The following EPS15 variants were observed in gnomAD, a reference collection of about 807,000 sequenced individuals.
EPS15 encodes the protein epidermal growth factor receptor substrate 15.
In EPS15, 72 loss-of-function variants were observed where a neutral mutation model predicts 113.8. That is an observed-to-expected ratio of 0.63 (90% CI 0.52 to 0.77). EPS15 has a LOEUF of 0.77. Among genes scored for constraint, EPS15 ranks in the 30% least tolerant of loss-of-function variants. The probability of loss-of-function intolerance (pLI) is 0.00; values close to 1 mark genes in which losing one functional copy is unlikely to be tolerated. For missense variants in EPS15, 1,048 were observed against 1,045.8 expected (o/e 1.00, Z -0.03); for synonymous variants, 344 against 363.4 (o/e 0.95, Z 0.61).
intron 12 of EPS15, among the ~76,000 whole-genome samples, chr1:51,434,979 T>C (rs1652025470): frequency 6.6e-6 from 1 of 151,670 alleles, no homozygotes; most frequent in East Asian, 2.0e-4. Context: ...GCCATGTGAA[T>C]ATATTTCATA....
At chr1:51,497,764 G>A (rs1644349317) in intron 1 of EPS15, among the ~76,000 whole-genome samples, 1 of 152,102 alleles carries the variant, frequency 6.6e-6, no homozygotes, top group African/African-American at 2.4e-5. Context: ...GGATCACGAG[G>A]TCAACAGATG....
At chr1:51,439,985 T>C (rs115902449) in intron 12 of EPS15, among the ~76,000 whole-genome samples, 129 of 152,242 alleles carry the variant, frequency 8.5e-4, no homozygotes, top group African/African-American at 3.0e-3. Context: ...GGAGAAAAAC[T>C]ATTTTTCAGT....
intron 1 of EPS15, among the ~76,000 whole-genome samples, chr1:51,508,588 T>C (rs1397424620): frequency 6.6e-6 from 1 of 152,184 alleles, no homozygotes. Context: ...TGTCTTGTAC[T>C]ATATCCAGTG....
At chr1:51,416,206 T>C (rs1436596945) in intron 13 of EPS15, among the ~76,000 whole-genome samples, 2 of 152,144 alleles carry the variant, frequency 1.3e-5, no homozygotes, top group African/African-American at 2.4e-5. Context: ...AACGTGGCCC[T>C]TGGGAACATC....
At position 51,357,055 on chromosome 1, in the gene EPS15, T is replaced by C. The variant is rs139431320; in HGVS notation, c.2545-209A>G. Among the ~76,000 whole-genome samples, 535 of 151,954 alleles carry C rather than the reference T, an allele frequency of 3.5e-3. 6 individuals carry two copies. Among genetic ancestry groups the C allele is most frequent in the African/African-American group, 0.012 (508 of 41,424 alleles). On this transcript the variant is annotated intron_variant, in intron 24 of 24. Transcript: ENST00000371733. ...TAATTTAAAAAATTAATTCAATCTA[T>C]AGATAGAAAGTCTATAAAACTAAAT...
At chr1:51,454,772 T>A (rs1200802550) in intron 8 of EPS15, among the ~76,000 whole-genome samples, 3 of 152,098 alleles carry the variant, frequency 2.0e-5, no homozygotes, top group Non-Finnish European at 4.4e-5. Context: ...CCAAATAAAG[T>A]CTGGAGTTAA....
At chr1:51,508,236 A>G (rs1469423246) in intron 1 of EPS15, among the ~76,000 whole-genome samples, 6 of 92,644 alleles carry the variant, frequency 6.5e-5, no homozygotes, top group African/African-American at 2.2e-4. Context: ...AAGAAAAGAA[A>G]AGAAAGAGAG....
chr1:51,354,718 T>C lies in EPS15; in HGVS notation c.*1982A>G, dbSNP rs1195170968. ...CATATATATTTATATAATATATACA[T>C]ACTTTAATATTATGTTGGTCCACGG... is the stretch of plus-strand genomic sequence containing the variant. On this transcript the variant is annotated 3_prime_UTR_variant, in exon 25 of 25. Coordinates refer to ENST00000371733, the MANE Select transcript of EPS15 (RefSeq NM_001981.3). 5.5e-6 allele frequency: 1 copy of C among 183,272 alleles called. No individual in the cohort carries two copies. 11.4% of individuals were successfully genotyped at this position (183,272 alleles called of 1,614,324 possible). A position where few individuals can be genotyped will look rare whatever the true frequency, so the allele number is the denominator to read the frequency against.
At chr1:51,471,778 C>G (rs1655258366) in intron 3 of EPS15, 41 bp from the exon 4 acceptor site, 1 of 1,365,384 alleles carries the variant, frequency 7.3e-7, no homozygotes, top group Non-Finnish European at 1.0e-6. Flanking sequence ...ATATTTTAAA[C>G]AAAAGTCATC....
chr1:51,367,489 G>T (rs1159087326), intron 21 of EPS15, among the ~76,000 whole-genome samples: 1 of 152,146 alleles, frequency 6.6e-6, no homozygotes, highest in African/African-American at 2.4e-5. Flanking sequence ...GGAGGCGGAG[G>T]TTGCAGTGAG....
At chr1:51,512,001 T>A (rs1644629995) in intron 1 of EPS15, among the ~76,000 whole-genome samples, 1 of 152,226 alleles carries the variant, frequency 6.6e-6, no homozygotes, top group African/African-American at 2.4e-5. Flanking sequence ...CCAACTTTTA[T>A]TTTTTAATTG....
At chr1:51,498,059 A>C (rs1222463958) in intron 1 of EPS15, among the ~76,000 whole-genome samples, 2 of 152,144 alleles carry the variant, frequency 1.3e-5, no homozygotes, top group Non-Finnish European at 2.9e-5. Flanking sequence ...TAATTAGGAA[A>C]AAAAACTTAA....
At chr1:51,473,734 T>A (rs181420563) in intron 2 of EPS15, among the ~76,000 whole-genome samples, 1 of 152,202 alleles carries the variant, frequency 6.6e-6, no homozygotes, top group South Asian at 2.1e-4. Context: ...TTGTGAGATA[T>A]CTGTTTTTCC....
chr1:51,439,904 T>C (rs1652451051), intron 12 of EPS15, among the ~76,000 whole-genome samples: 1 of 152,112 alleles, frequency 6.6e-6, no homozygotes, highest in East Asian at 1.9e-4. Flanking sequence ...GGTGTCTGAA[T>C]TTAACATTCC....
intron 13 of EPS15, among the ~76,000 whole-genome samples, chr1:51,411,163 C>A (rs1649683627): frequency 2.0e-5 from 3 of 152,188 alleles, no homozygotes; most frequent in Admixed American, 2.0e-4. Context: ...GAACACTGAA[C>A]AATGCTTTCA....
intron 1 of EPS15, among the ~76,000 whole-genome samples, chr1:51,518,964 G>GGGGCA (rs1366737650): frequency 3.3e-5 from 5 of 151,324 alleles, no homozygotes; most frequent in African/African-American, 1.2e-4. Context: ...CGCGCGGGGC[G>GGGGCA]GGGCAGGAGG....
intron 12 of EPS15, among the ~76,000 whole-genome samples, chr1:51,438,123 G>GAGTT (rs1385818063): frequency 6.6e-6 from 1 of 152,062 alleles, no homozygotes; most frequent in African/African-American, 2.4e-5. Context: ...GACACTAATG[G>GAGTT]AGTTGACAGA....
chr1:51,391,560 GGGAACAGCTAGT>G (rs1346617205), intron 21 of EPS15, among the ~76,000 whole-genome samples: 1 of 152,174 alleles, frequency 6.6e-6, no homozygotes, highest in Non-Finnish European at 1.5e-5. Context: ...CCCAGGAAGA[GGGAACAGCTAGT>G]GCAAAGGGCC....
intron 2 of EPS15, among the ~76,000 whole-genome samples, chr1:51,476,580 T>A (rs933857981): frequency 6.6e-6 from 1 of 152,204 alleles, no homozygotes; most frequent in African/African-American, 2.4e-5. Flanking sequence ...TATTTGATCC[T>A]TCTCTCTTTT....
Sources: allele counts gnomAD v4.1 joint callset (sites outside exome capture counted in the v4.1 genomes callset), GRCh38; gene constraint gnomAD v4.1.1; transcripts MANE v1.5; gene names NCBI Gene and HGNC (gene_info 2026-07-23, HGNC 2026-07-21).